CLVS1: variants seen among roughly 807,000 people sequenced by gnomAD.
CLVS1 encodes the protein clavesin-1.
In CLVS1, 10 loss-of-function variants were observed where a neutral mutation model predicts 33.1. That is an observed-to-expected ratio of 0.30 (90% CI 0.19 to 0.51). The LOEUF (loss-of-function observed/expected upper bound fraction) is 0.51, where lower values mean the gene tolerates loss of function less well. Among genes scored for constraint, CLVS1 ranks in the 20% least tolerant of loss-of-function variants. The probability of loss-of-function intolerance (pLI) is 0.97; values close to 1 mark genes in which losing one functional copy is unlikely to be tolerated. For missense variants in CLVS1, 343 were observed against 433.4 expected, an observed-to-expected ratio of 0.79 and a Z score of 1.85; for synonymous variants, 163 against 166.1, an observed-to-expected ratio of 0.98 and a Z score of 0.14.
At chr8:61,100,587 C>A (rs1306040961) in intron 1 of CLVS1, among the ~76,000 whole-genome samples, 4 of 152,172 alleles carry the variant, frequency 2.6e-5, no homozygotes, top group African/African-American at 9.7e-5. Context: ...ATAATCAATT[C>A]ACCCATTTAA....
intron 2 of CLVS1, among the ~76,000 whole-genome samples, chr8:61,212,067 C>T (rs28473228): frequency 0.64 from 97,487 of 152,088 alleles, 33,955 homozygotes; most frequent in East Asian, 0.97. Flanking sequence ...ACTTCCCACC[C>T]CCAGAACAGG....
the CLVS1 span, among the ~76,000 whole-genome samples, chr8:61,041,911 G>A: frequency 6.6e-6 from 1 of 152,060 alleles, no homozygotes; most frequent in Admixed American, 6.5e-5. Flanking sequence ...GAGAAGGTCT[G>A]ACTCTGTCAT....
At chr8:61,346,720 G>A (rs1812233030) in intron 2 of CLVS1, among the ~76,000 whole-genome samples, 1 of 152,144 alleles carries the variant, frequency 6.6e-6, no homozygotes, top group African/African-American at 2.4e-5. Context: ...GGTGCCAAGA[G>A]CATGGCAGAT....
At chr8:61,355,572 A>C (rs1368003349) in intron 2 of CLVS1, among the ~76,000 whole-genome samples, 1 of 151,496 alleles carries the variant, frequency 6.6e-6, no homozygotes, top group Non-Finnish European at 1.5e-5. Flanking sequence ...CTCTTCCCCC[A>C]CCCCACAACA....
At chr8:61,132,655 A>G (rs148389276) in intron 2 of CLVS1, among the ~76,000 whole-genome samples, 9 of 152,322 alleles carry the variant, frequency 5.9e-5, no homozygotes, top group African/African-American at 2.2e-4. Flanking sequence ...ACTAGAGAAC[A>G]GCCTGTCTCC....
intron 1 of CLVS1, among the ~76,000 whole-genome samples, chr8:61,106,306 A>T (rs1211688244): frequency 6.6e-6 from 1 of 152,244 alleles, no homozygotes; most frequent in Non-Finnish European, 1.5e-5. Flanking sequence ...GCACACACCA[A>T]CTACAGGTGG....
chr8:61,021,701 C>A, the CLVS1 span, among the ~76,000 whole-genome samples: 2 of 152,136 alleles, frequency 1.3e-5, no homozygotes, highest in Admixed American at 1.3e-4. Context: ...ATTAATTTTT[C>A]TATTTTATGT....
At chr8:61,477,281 C>T (rs1817984832) in intron 5 of CLVS1, among the ~76,000 whole-genome samples, 1 of 152,058 alleles carries the variant, frequency 6.6e-6, no homozygotes, top group Non-Finnish European at 1.5e-5. Flanking sequence ...GTGTCTCTGC[C>T]AGGCTTTGGT....
chr8:61,030,207 A>G, the CLVS1 span, among the ~76,000 whole-genome samples: 1 of 151,864 alleles, frequency 6.6e-6, no homozygotes, highest in African/African-American at 2.4e-5. Context: ...GCTTTAAAAC[A>G]TTTAATTCAG....
In CLVS1 at chr8:61,499,709, A is replaced by G; in HGVS notation, c.*167A>G. 1 of 450,100 alleles carries G rather than the reference A, an allele frequency of 2.2e-6. No homozygotes were observed. The highest frequency in any genetic ancestry group is 5.6e-5 in the South Asian group (1 of 17,988). 27.9% of individuals were successfully genotyped at this position (450,100 alleles called of 1,614,324 possible). ...TCACCAGCCATCGGTCTGAGCAGCC[A>G]AAGTTGGACAAAGACTTGAGAGATG... On this transcript the variant is annotated 3_prime_UTR_variant, in exon 6 of 6. Coordinates refer to ENST00000325897, the MANE Select transcript of CLVS1 (RefSeq NM_173519.3).
intron 2 of CLVS1, among the ~76,000 whole-genome samples, chr8:61,328,482 C>T (rs1237125045): frequency 1.3e-5 from 2 of 152,088 alleles, no homozygotes; most frequent in Non-Finnish European, 2.9e-5. Flanking sequence ...GCCCTAGCCC[C>T]TTAGCATATA....
intron 5 of CLVS1, among the ~76,000 whole-genome samples, chr8:61,492,278 T>G (rs912128244): frequency 2.0e-5 from 3 of 152,258 alleles, no homozygotes; most frequent in Non-Finnish European, 2.9e-5. Context: ...TAACCTAATG[T>G]ATCCACCTAG....
chr8:61,092,484 G>A (rs1212468801), intron 1 of CLVS1, among the ~76,000 whole-genome samples: 1 of 152,214 alleles, frequency 6.6e-6, no homozygotes, highest in East Asian at 1.9e-4. Context: ...TAGCTCTGGA[G>A]ATCAGAAGTC....
At chr8:61,450,590 C>T (rs1257214170) in intron 3 of CLVS1, among the ~76,000 whole-genome samples, 6 of 152,126 alleles carry the variant, frequency 3.9e-5, no homozygotes, top group Non-Finnish European at 5.9e-5. Flanking sequence ...ACGTGCAAGA[C>T]GTGAACTAAT....
intron 2 of CLVS1, among the ~76,000 whole-genome samples, chr8:61,308,376 C>G (rs539907609): frequency 6.6e-6 from 1 of 152,244 alleles, no homozygotes; most frequent in Admixed American, 6.5e-5. Flanking sequence ...CACTCAGCCC[C>G]TGAGTGGTTA....
chr8:61,172,967 G>C (rs1406954184), intron 2 of CLVS1, among the ~76,000 whole-genome samples: 1 of 152,138 alleles, frequency 6.6e-6, no homozygotes, highest in Non-Finnish European at 1.5e-5. Context: ...AAGTTACATG[G>C]GTTTATCTTC....
chr8:61,339,012 C>CTG lies in CLVS1; in HGVS notation c.456-37576_456-37575dup, dbSNP rs10608174. On this transcript the variant is annotated intron_variant, in intron 2 of 5. Coordinates refer to ENST00000325897, the MANE Select transcript of CLVS1 (RefSeq NM_173519.3). ...TGTGTGTATGCATGTGAGTGTGTGCCTGTGTGTGTGTGTGTGTGCTTCTTT... is the reference window on the plus strand; with the variant it reads ...TGTGTGTATGCATGTGAGTGTGTGCCTGTGTGTGTGTGTGTGTGTGCTTCTTT... 5.9e-3 allele frequency among the ~76,000 whole-genome samples: 876 copies of CTG among 149,562 alleles called. 7 individuals carry two copies. The highest frequency in any genetic ancestry group is 0.02 in the African/African-American group (790 of 40,402).
chr8:60,994,854 C>T, the CLVS1 span, among the ~76,000 whole-genome samples: 63 of 151,730 alleles, frequency 4.2e-4, no homozygotes, highest in East Asian at 7.7e-3. Flanking sequence ...TCAGAAATAA[C>T]GCTGCATATC....
At chr8:61,333,395 A>G (rs950774778) in intron 2 of CLVS1, among the ~76,000 whole-genome samples, 14 of 152,228 alleles carry the variant, frequency 9.2e-5, no homozygotes, top group African/African-American at 1.7e-4. Context: ...AGATTTCAAG[A>G]ATAGTAGAGG....
Sources: allele counts gnomAD v4.1 joint callset (sites outside exome capture counted in the v4.1 genomes callset), GRCh38; gene constraint gnomAD v4.1.1; transcripts MANE v1.5; gene names NCBI Gene and HGNC (gene_info 2026-07-23, HGNC 2026-07-21).